The following CMTM4 variants were observed in gnomAD, a reference collection of about 807,000 sequenced individuals.
CMTM4 encodes the protein CKLF-like MARVEL transmembrane domain-containing protein 4.
Under a neutral mutation model 19.0 loss-of-function variants are expected in CMTM4, and 8 were observed. That is an observed-to-expected ratio of 0.42 (90% CI 0.25 to 0.76). CMTM4 has a LOEUF of 0.76. Ranked by LOEUF, CMTM4 falls within the 30% of genes least tolerant of loss-of-function variation. The pLI is 0.27. For synonymous variants in CMTM4, 106 were observed against 121.1 expected, an observed-to-expected ratio of 0.88 and a Z score of 0.82; for missense variants, 228 against 290.2, an observed-to-expected ratio of 0.79 and a Z score of 1.56.
At chr16:66,642,613 G>T (rs1293721551) in intron 1 of CMTM4, among the ~76,000 whole-genome samples, 1 of 152,148 alleles carries the variant, frequency 6.6e-6, no homozygotes, top group Non-Finnish European at 1.5e-5. Context: ...CTAGGCAGGA[G>T]GCTGAGGCAT....
the CMTM4 span, among the ~76,000 whole-genome samples, chr16:66,598,914 C>T: frequency 2.0e-5 from 3 of 151,830 alleles, no homozygotes; most frequent in Non-Finnish European, 4.4e-5. Flanking sequence ...GCTGAAGGAT[C>T]CTTTAAACCC....
At chr16:66,604,865 C>G in the CMTM4 span, 9 of 1,400,378 alleles carry the variant, frequency 6.4e-6, no homozygotes, top group Non-Finnish European at 8.3e-6. Context: ...GCTCCCGTCC[C>G]GGCCCCGCGG....
intron 1 of CMTM4, among the ~76,000 whole-genome samples, chr16:66,670,570 G>A (rs913109561): frequency 2.6e-5 from 4 of 151,986 alleles, no homozygotes; most frequent in African/African-American, 9.7e-5. Context: ...GGGAGGCCGA[G>A]GTAGGCGGAT....
At chr16:66,673,791 G>A (rs2016755810) in intron 1 of CMTM4, among the ~76,000 whole-genome samples, 1 of 152,194 alleles carries the variant, frequency 6.6e-6, no homozygotes, top group South Asian at 2.1e-4. Flanking sequence ...ACATTTTATT[G>A]AGAACACCAC....
intron 1 of CMTM4, among the ~76,000 whole-genome samples, chr16:66,666,194 T>C (rs1386245658): frequency 6.6e-6 from 1 of 152,212 alleles, no homozygotes; most frequent in Non-Finnish European, 1.5e-5. Context: ...GGCTCACGCC[T>C]GTAATCCCAG....
chr16:66,662,714 A>C (rs953606556), intron 1 of CMTM4, among the ~76,000 whole-genome samples: 2 of 152,118 alleles, frequency 1.3e-5, no homozygotes, highest in African/African-American at 4.8e-5. Flanking sequence ...CAGCTGTGGA[A>C]ACTGTTCAAC....
chr16:66,643,179 G>T (rs542619289), intron 1 of CMTM4, among the ~76,000 whole-genome samples: 1 of 152,224 alleles, frequency 6.6e-6, no homozygotes, highest in Non-Finnish European at 1.5e-5. Flanking sequence ...CCTCAGCCCT[G>T]CAAAGTACTG....
At chr16:66,647,641 A>G (rs1037599081) in intron 1 of CMTM4, among the ~76,000 whole-genome samples, 1 of 152,188 alleles carries the variant, frequency 6.6e-6, no homozygotes, top group Non-Finnish European at 1.5e-5. Context: ...TACTCAGAGA[A>G]GTTCAGGATC....
intron 1 of CMTM4, among the ~76,000 whole-genome samples, chr16:66,683,176 C>CACATATATATATATATACGT (rs2016961900): frequency 9.4e-6 from 1 of 106,048 alleles, no homozygotes; most frequent in African/African-American, 3.8e-5. Context: ...TATATATATA[C>CACATATATATATATATACGT]ATATGTATAT....
At chr16:66,636,608 GTACGTA>G in intron 1 of CMTM4, 27 bp from the exon 2 acceptor site, 1 of 1,587,810 alleles carries the variant, frequency 6.3e-7, no homozygotes, top group Non-Finnish European at 8.6e-7. Context: ...AAACATATAT[GTACGTA>G]TATGTTTAGT....
intron 1 of CMTM4, among the ~76,000 whole-genome samples, chr16:66,687,968 T>C (rs1388534013): frequency 6.6e-6 from 1 of 152,112 alleles, no homozygotes; most frequent in East Asian, 1.9e-4. Context: ...ATTACAGGTG[T>C]AAGCCACCGC....
chr16:66,660,046 A>G (rs2016472957), intron 1 of CMTM4, among the ~76,000 whole-genome samples: 1 of 152,240 alleles, frequency 6.6e-6, no homozygotes, highest in African/African-American at 2.4e-5. Context: ...ATGGCAAACA[A>G]GCACATGAAA....
intron 1 of CMTM4, among the ~76,000 whole-genome samples, chr16:66,662,583 A>C (rs887176973): frequency 1.9e-4 from 29 of 152,206 alleles, no homozygotes; most frequent in Middle Eastern, 3.4e-3. Flanking sequence ...CAGCAGCAGG[A>C]GGCTACAGAT....
At chr16:66,687,862 T>C (rs1383493882) in intron 1 of CMTM4, among the ~76,000 whole-genome samples, 2 of 151,986 alleles carry the variant, frequency 1.3e-5, no homozygotes, top group African/African-American at 4.8e-5. Context: ...TAATTTTTTA[T>C]ATTTTTCATT....
intron 1 of CMTM4, among the ~76,000 whole-genome samples, chr16:66,675,470 A>C (rs1020305103): frequency 3.3e-5 from 5 of 151,234 alleles, no homozygotes; most frequent in Non-Finnish European, 7.4e-5. Context: ...AAAAAAAAAA[A>C]AAAAAAACCT....
intron 2 of CMTM4, among the ~76,000 whole-genome samples, chr16:66,634,229 C>T (rs1227150410): frequency 6.6e-6 from 1 of 152,108 alleles, no homozygotes; most frequent in African/African-American, 2.4e-5. Flanking sequence ...CACCTGAGGT[C>T]AGGTGTTTGA....
chr16:66,604,879 C>G, the CMTM4 span: 1 of 1,427,278 alleles, frequency 7.0e-7, no homozygotes, highest in South Asian at 1.4e-5. Flanking sequence ...CCCGCGGTCC[C>G]CGGGCTCCGC....
chr16:66,600,173 C>T, the CMTM4 span, among the ~76,000 whole-genome samples: 1 of 137,862 alleles, frequency 7.3e-6, no homozygotes, highest in East Asian at 2.2e-4. Context: ...GATGGAGTCT[C>T]CCTCTGTCAC....
chr16:66,649,220 T>C (rs1403494216), intron 1 of CMTM4, among the ~76,000 whole-genome samples: 1 of 152,092 alleles, frequency 6.6e-6, no homozygotes, highest in African/African-American at 2.4e-5. Context: ...CCCTGTCTCT[T>C]AAAAAAAGAA....
Sources: gnomAD v4.1 joint callset for allele counts (sites outside exome capture counted in the v4.1 genomes callset) on GRCh38, gnomAD v4.1.1 for gene constraint, MANE v1.5 for transcripts, NCBI Gene and HGNC (gene_info 2026-07-23, HGNC 2026-07-21) for gene names.